Variants in RABGAP1L observed in about 807,000 individuals in gnomAD.
RABGAP1L encodes rab GTPase-activating protein 1-like.
RABGAP1L carries 63 observed loss-of-function variants against 137.7 expected under a neutral mutation model. The ratio of observed to expected loss-of-function variants is 0.46; its 90% CI spans 0.37 to 0.56. The LOEUF (loss-of-function observed/expected upper bound fraction) is 0.56. RABGAP1L is among the 20% of genes least tolerant of loss of function. RABGAP1L has a pLI of 0.00. For missense variants in RABGAP1L, 1,095 were observed against 1,244.0 expected, an observed-to-expected ratio of 0.88 and a Z score of 1.80; for synonymous variants, 431 against 433.7, an observed-to-expected ratio of 0.99 and a Z score of 0.08.
intron 13 of RABGAP1L, among the ~76,000 whole-genome samples, chr1:174,546,085 TGTA>T (rs1479564691): frequency 6.6e-6 from 1 of 152,208 alleles, no homozygotes; most frequent in East Asian, 1.9e-4. Context: ...AGATCTAGCC[TGTA>T]AACTCCTTTA....
intron 13 of RABGAP1L, among the ~76,000 whole-genome samples, chr1:174,478,450 T>A (rs10218528): frequency 0.48 from 72,771 of 151,152 alleles, 19,149 homozygotes; most frequent in African/African-American, 0.71. Flanking sequence ...AAAAAAAAAA[T>A]TTTTTTTTAA....
At chr1:174,390,075 T>C (rs1207965526) in intron 12 of RABGAP1L, among the ~76,000 whole-genome samples, 1 of 152,198 alleles carries the variant, frequency 6.6e-6, no homozygotes, top group East Asian at 1.9e-4. Context: ...GGATCTTCTC[T>C]GATCATAGAT....
intron 13 of RABGAP1L, among the ~76,000 whole-genome samples, chr1:174,410,445 C>A (rs960486929): frequency 7.9e-5 from 12 of 152,150 alleles, no homozygotes; most frequent in African/African-American, 2.9e-4. Context: ...AGCCAACTAT[C>A]CCGTAATAGC....
chr1:174,281,180 G>C (rs375894363), intron 10 of RABGAP1L, among the ~76,000 whole-genome samples: 1 of 152,130 alleles, frequency 6.6e-6, no homozygotes, highest in African/African-American at 2.4e-5. Context: ...TCCACAGAGT[G>C]GAAGAGGACC....
chr1:174,332,894 T>C (rs1223270088), intron 11 of RABGAP1L, among the ~76,000 whole-genome samples: 1 of 152,182 alleles, frequency 6.6e-6, no homozygotes, highest in African/African-American at 2.4e-5. Context: ...TTATTTATAA[T>C]AGCCAAGATA....
intron 17 of RABGAP1L, among the ~76,000 whole-genome samples, chr1:174,747,557 T>C (rs1255502661): frequency 6.6e-6 from 1 of 152,140 alleles, no homozygotes. Flanking sequence ...TTATGGGTAA[T>C]GTCTAGAGCT....
chr1:174,914,092 A>G (rs1660473771), intron 19 of RABGAP1L, among the ~76,000 whole-genome samples: 1 of 152,202 alleles, frequency 6.6e-6, no homozygotes, highest in Non-Finnish European at 1.5e-5. Flanking sequence ...GTTGCTGCCT[A>G]TCATACTTAG....
chr1:174,984,590 A>C lies in RABGAP1L; in HGVS notation c.2805+1685A>C, dbSNP rs576631924. 3.3e-5 allele frequency among the ~76,000 whole-genome samples: 5 copies of C among 152,156 alleles called. No homozygotes were observed. The East Asian group carries it at 9.7e-4, about 29-fold the overall frequency. ...ACCCTGTCTCTGCTAAAAATAACAA[A>C]AATTAGCCAGGCATAGTGGCTCACA... On this transcript the variant is annotated intron_variant, in intron 24 of 25. Transcript: ENST00000681986.
intron 13 of RABGAP1L, among the ~76,000 whole-genome samples, chr1:174,633,060 GGGTATTCAATT>G (rs1673574266): frequency 6.6e-6 from 1 of 152,020 alleles, no homozygotes; most frequent in Non-Finnish European, 1.5e-5. Flanking sequence ...AGGAAATAAA[GGGTATTCAATT>G]AGGAAAAGAG....
At chr1:174,718,026 A>G (rs1442497739) in intron 17 of RABGAP1L, among the ~76,000 whole-genome samples, 5 of 152,166 alleles carry the variant, frequency 3.3e-5, no homozygotes, top group Non-Finnish European at 7.3e-5. Context: ...CCTCAACAGT[A>G]ACACCTGAGT....
chr1:174,981,550 C>CTTTTTTTTTTTTTTTTTT lies in RABGAP1L; in HGVS notation c.2734-1270_2734-1253dup, dbSNP rs10556099. Among the ~76,000 whole-genome samples, 50 of 66,430 alleles carry CTTTTTTTTTTTTTTTTTT rather than the reference C, an allele frequency of 7.5e-4. 7 individuals are homozygous for CTTTTTTTTTTTTTTTTTT. Among genetic ancestry groups the CTTTTTTTTTTTTTTTTTT allele is most frequent in the East Asian group, 1.3e-3 (2 of 1,486 alleles). The allele number at this position is 66,430 out of a possible 152,430, so 43.6% of individuals were successfully genotyped here. A position where few individuals can be genotyped will look rare whatever the true frequency, so the allele number is the denominator to read the frequency against. On this transcript the variant is annotated intron_variant, in intron 23 of 25. Transcript: ENST00000681986. ...AATTTCACATCCCCTGTTTTTCCATCTTTTTTTTTTTTTTTTTTTTTTTTT... is the reference window on the plus strand; with the variant it reads ...AATTTCACATCCCCTGTTTTTCCATCTTTTTTTTTTTTTTTTTTTTTTTTTTTTTTTTTTTTTTTTTTT...
chr1:174,681,569 G>C (rs560286368), intron 14 of RABGAP1L, among the ~76,000 whole-genome samples: 110 of 152,328 alleles, frequency 7.2e-4, no homozygotes, highest in Non-Finnish European at 1.5e-4. Flanking sequence ...GGAGGTGTTT[G>C]ACCAAAGAGA....
At chr1:174,171,532 A>G (rs1371370314) in intron 1 of RABGAP1L, among the ~76,000 whole-genome samples, 1 of 152,038 alleles carries the variant, frequency 6.6e-6, no homozygotes, top group East Asian at 1.9e-4. Flanking sequence ...TATATATACT[A>G]TACAATATGA....
At chr1:174,558,400 A>G (rs1667012076) in intron 13 of RABGAP1L, among the ~76,000 whole-genome samples, 1 of 152,196 alleles carries the variant, frequency 6.6e-6, no homozygotes, top group Non-Finnish European at 1.5e-5. Flanking sequence ...TAGCTTAATA[A>G]GTTTGCTGCT....
chr1:174,460,505 G>T (rs1162964990), intron 13 of RABGAP1L, among the ~76,000 whole-genome samples: 2 of 151,780 alleles, frequency 1.3e-5, no homozygotes, highest in Admixed American at 6.6e-5. Flanking sequence ...ATTGCATATT[G>T]TTTATGAACA....
At chr1:174,180,122 G>A (rs181070999) in intron 1 of RABGAP1L, among the ~76,000 whole-genome samples, 1 of 152,162 alleles carries the variant, frequency 6.6e-6, no homozygotes, top group Admixed American at 6.5e-5. Context: ...CTAAGTTCAG[G>A]GTACTGATCC....
At chr1:174,435,279 A>G (rs913444613) in intron 13 of RABGAP1L, among the ~76,000 whole-genome samples, 2 of 152,118 alleles carry the variant, frequency 1.3e-5, no homozygotes, top group African/African-American at 4.8e-5. Flanking sequence ...AGGCCTCCCA[A>G]AGTGCTGGGA....
At chr1:174,523,502 TATTG>T (rs1663606839) in intron 13 of RABGAP1L, among the ~76,000 whole-genome samples, 1 of 152,250 alleles carries the variant, frequency 6.6e-6, no homozygotes. Flanking sequence ...ACATTTCTTT[TATTG>T]ATTCATAATA....
At chr1:174,704,088 G>C (rs1679872997) in intron 17 of RABGAP1L, among the ~76,000 whole-genome samples, 1 of 152,030 alleles carries the variant, frequency 6.6e-6, no homozygotes, top group Admixed American at 6.5e-5. Context: ...ACCTCCACCT[G>C]CCGGGTTCAA....
Sources: gnomAD v4.1 joint callset for allele counts (sites outside exome capture counted in the v4.1 genomes callset) on GRCh38, gnomAD v4.1.1 for gene constraint, MANE v1.5 for transcripts, NCBI Gene and HGNC (gene_info 2026-07-23, HGNC 2026-07-21) for gene names.